The following GABRB2 variants were observed in gnomAD, a reference collection of about 807,000 sequenced individuals.
GABRB2 encodes the protein gamma-aminobutyric acid type A receptor subunit beta2.
Under a neutral mutation model 54.7 loss-of-function variants are expected in GABRB2, and 16 were observed. The observed-to-expected ratio is 0.29, with a 90% CI of 0.20 to 0.44. The LOEUF is 0.44. Ranked by LOEUF, GABRB2 falls within the 20% of genes least tolerant of loss-of-function variation. The pLI, the probability that GABRB2 is intolerant of heterozygous loss-of-function variation, is 1.00. For missense variants in GABRB2, 355 were observed against 644.0 expected (o/e 0.55, Z 4.86); for synonymous variants, 244 against 233.8 (o/e 1.04, Z -0.40).
At chr5:161,496,847 T>C (rs915400730) in intron 3 of GABRB2, among the ~76,000 whole-genome samples, 3 of 152,138 alleles carry the variant, frequency 2.0e-5, no homozygotes, top group Non-Finnish European at 2.9e-5. Context: ...TTCTTAAATA[T>C]TACATCTTTA....
chr5:161,332,431 T>C (rs1052441128), intron 7 of GABRB2, among the ~76,000 whole-genome samples: 1 of 152,128 alleles, frequency 6.6e-6, no homozygotes, highest in Non-Finnish European at 1.5e-5. Flanking sequence ...ATTCTAGGAC[T>C]GCTTATGGAA....
intron 5 of GABRB2, among the ~76,000 whole-genome samples, chr5:161,391,738 T>C (rs1171570025): frequency 1.3e-5 from 2 of 152,158 alleles, no homozygotes; most frequent in African/African-American, 4.8e-5. Context: ...CGATAATAGG[T>C]ACTGACCCAC....
rs141582524 is a variant in GABRB2, at chr5:161,410,302, G to A, written c.541+673C>T. On this transcript the variant is annotated intron_variant, in intron 5 of 9. Transcript: ENST00000393959. ...CCATTTTAGCCCACCCAATAGGGCA[G>A]CTGACTGAATCATCAATGTGGAAGC... Among the ~76,000 whole-genome samples, 26 of 152,084 alleles carry A rather than the reference G, an allele frequency of 1.7e-4. No homozygotes were observed. In the East Asian group the frequency reaches 4.6e-3, roughly 27 times the overall value.
chr5:161,362,308 T>C (rs987511571), intron 5 of GABRB2, among the ~76,000 whole-genome samples: 3 of 152,162 alleles, frequency 2.0e-5, no homozygotes, highest in Non-Finnish European at 4.4e-5. Flanking sequence ...TTTCTAATTC[T>C]GTGAAGAAAG....
intron 5 of GABRB2, among the ~76,000 whole-genome samples, chr5:161,384,847 A>G (rs1311257616): frequency 1.3e-5 from 2 of 152,134 alleles, no homozygotes; most frequent in Non-Finnish European, 2.9e-5. Context: ...CTACATCCCC[A>G]TTCTTAGAGT....
intron 4 of GABRB2, among the ~76,000 whole-genome samples, chr5:161,433,445 C>CAA (rs11354322): frequency 6.6e-5 from 8 of 121,848 alleles, no homozygotes; most frequent in Non-Finnish European, 9.2e-5. Context: ...ACTAAAAATA[C>CAA]AAAAAAAAAA....
At chr5:161,463,426 T>G (rs926828188) in intron 3 of GABRB2, among the ~76,000 whole-genome samples, 1 of 150,868 alleles carries the variant, frequency 6.6e-6, no homozygotes, top group South Asian at 2.1e-4. Flanking sequence ...TGTTAAGATG[T>G]TGATACTCTC....
At chr5:161,394,840 C>T (rs981192304) in intron 5 of GABRB2, among the ~76,000 whole-genome samples, 2 of 151,890 alleles carry the variant, frequency 1.3e-5, no homozygotes, top group Non-Finnish European at 2.9e-5. Flanking sequence ...GATCACTGTC[C>T]CCACTCATAT....
intron 5 of GABRB2, among the ~76,000 whole-genome samples, chr5:161,363,631 G>C (rs1342659713): frequency 6.6e-6 from 1 of 152,166 alleles, no homozygotes; most frequent in African/African-American, 2.4e-5. Flanking sequence ...GAGCCCAGGA[G>C]TTCTAGGCTT....
intron 3 of GABRB2, among the ~76,000 whole-genome samples, chr5:161,463,179 A>C (rs1289803117): frequency 6.6e-6 from 1 of 152,056 alleles, no homozygotes; most frequent in Non-Finnish European, 1.5e-5. Flanking sequence ...ATAAAACCAC[A>C]ACTACCTGAT....
intron 3 of GABRB2, among the ~76,000 whole-genome samples, chr5:161,481,841 G>A (rs1301993919): frequency 6.6e-6 from 1 of 151,844 alleles, no homozygotes; most frequent in Non-Finnish European, 1.5e-5. Context: ...CTTAGCTAAA[G>A]GAAAAATTCA....
chr5:161,385,945 C>CG (rs1561631706), intron 5 of GABRB2, among the ~76,000 whole-genome samples: 1 of 138,448 alleles, frequency 7.2e-6, no homozygotes, highest in African/African-American at 2.7e-5. Flanking sequence ...TACCTATTGT[C>CG]TGGTGTGTGT....
intron 9 of GABRB2, among the ~76,000 whole-genome samples, chr5:161,300,309 C>T (rs1757500588): frequency 6.6e-6 from 1 of 152,014 alleles, no homozygotes; most frequent in Non-Finnish European, 1.5e-5. Flanking sequence ...CCTTTTTCTC[C>T]TTTGAAATAT....
chr5:161,447,516 G>C (rs1290244434), intron 4 of GABRB2, among the ~76,000 whole-genome samples: 1 of 152,110 alleles, frequency 6.6e-6, no homozygotes, highest in Admixed American at 6.6e-5. Flanking sequence ...TGGTCATTTA[G>C]CATTTTGTTG....
At chr5:161,341,421 TTAAA>T (rs1209372641) in intron 5 of GABRB2, among the ~76,000 whole-genome samples, 1 of 151,944 alleles carries the variant, frequency 6.6e-6, no homozygotes, top group Non-Finnish European at 1.5e-5. Flanking sequence ...AACTGAGTCA[TTAAA>T]TAATTTTGTA....
chr5:161,321,424 A>C (rs1758205767), intron 9 of GABRB2, among the ~76,000 whole-genome samples: 1 of 152,084 alleles, frequency 6.6e-6, no homozygotes, highest in African/African-American at 2.4e-5. Flanking sequence ...TAACTCCTGG[A>C]CATGTATAGC....
chr5:161,543,938 A>G lies in GABRB2; in HGVS notation c.237+1289T>C, dbSNP rs370178313. 1.2e-4 allele frequency among the ~76,000 whole-genome samples: 19 copies of G among 152,366 alleles called. 1 individual carries two copies. Among genetic ancestry groups the G allele is most frequent in the East Asian group, 1.2e-3 (6 of 5,182 alleles). Reference sequence around the variant, plus strand: ...ATTAGAATATGAGAAGATTAATGTCATTAAAACATTTCAGAAATAGCAGAA... The same window carrying G: ...ATTAGAATATGAGAAGATTAATGTCGTTAAAACATTTCAGAAATAGCAGAA... On this transcript the variant is annotated intron_variant, in intron 3 of 9. Coordinates refer to ENST00000393959, the MANE Select transcript of GABRB2 (RefSeq NM_001371727.1).
intron 3 of GABRB2, among the ~76,000 whole-genome samples, chr5:161,502,121 C>T (rs949591746): frequency 6.6e-6 from 1 of 150,416 alleles, no homozygotes; most frequent in Non-Finnish European, 1.5e-5. Context: ...AATAATTTTT[C>T]TACATTTTCA....
intron 5 of GABRB2, among the ~76,000 whole-genome samples, chr5:161,389,470 T>G (rs1755750085): frequency 6.6e-6 from 1 of 152,024 alleles, no homozygotes; most frequent in Admixed American, 6.6e-5. Flanking sequence ...AGTATGATCC[T>G]TAATATATCT....
Sources: allele counts gnomAD v4.1 joint callset (sites outside exome capture counted in the v4.1 genomes callset), GRCh38; gene constraint gnomAD v4.1.1; transcripts MANE v1.5; gene names NCBI Gene and HGNC (gene_info 2026-07-23, HGNC 2026-07-21).